The following ADK variants were observed in gnomAD, a reference collection of about 807,000 sequenced individuals.
ADK encodes the protein N6,N6-dimethyladenosine kinase.
A neutral mutation model predicts 44.7 loss-of-function variants in ADK; 24 were observed. The ratio of observed to expected loss-of-function variants is 0.54; its 90% CI spans 0.39 to 0.76. The LOEUF (loss-of-function observed/expected upper bound fraction) is 0.76, where lower values mean the gene tolerates loss of function less well. Among genes scored for constraint, ADK ranks in the 30% least tolerant of loss-of-function variants. The pLI is 0.00. For missense variants in ADK, 321 were observed against 425.1 expected, an observed-to-expected ratio of 0.76 and a Z score of 2.15; for synonymous variants, 128 against 142.6, an observed-to-expected ratio of 0.90 and a Z score of 0.73.
chr10:74,209,693 A>G (rs2132185548), intron 2 of ADK, among the ~76,000 whole-genome samples: 2 of 151,982 alleles, frequency 1.3e-5, no homozygotes, highest in Admixed American at 1.3e-4. Context: ...CTAGTCACTC[A>G]CTGCAGCCTC....
chr10:74,642,119 A>C (rs1014785283), intron 9 of ADK, among the ~76,000 whole-genome samples: 1 of 152,216 alleles, frequency 6.6e-6, no homozygotes, highest in African/African-American at 2.4e-5. Context: ...ACTTCTGTTA[A>C]CCAGATATTA....
chr10:74,438,386 G>A (rs1005861780), intron 6 of ADK, among the ~76,000 whole-genome samples: 1 of 141,744 alleles, frequency 7.1e-6, no homozygotes, highest in Non-Finnish European at 1.6e-5. Flanking sequence ...CACCACATCC[G>A]GCTAATTTTT....
intron 3 of ADK, among the ~76,000 whole-genome samples, chr10:74,225,187 C>T (rs1187388173): frequency 6.6e-6 from 1 of 152,208 alleles, no homozygotes. Flanking sequence ...AAGCAATTCC[C>T]CTGCCTTAGC....
chr10:74,403,699 G>A (rs1345386725), intron 6 of ADK, among the ~76,000 whole-genome samples: 1 of 152,090 alleles, frequency 6.6e-6, no homozygotes, highest in Non-Finnish European at 1.5e-5. Flanking sequence ...CGCTTCCCAG[G>A]TGAAGCGATG....
At chr10:74,251,425 A>T (rs530252793) in intron 3 of ADK, among the ~76,000 whole-genome samples, 5 of 152,208 alleles carry the variant, frequency 3.3e-5, no homozygotes, top group Admixed American at 6.5e-5. Flanking sequence ...AGTTATCACA[A>T]ATTCTAAATT....
chr10:74,499,687 CA>C (rs34761801), intron 6 of ADK, among the ~76,000 whole-genome samples: 91 of 136,854 alleles, frequency 6.6e-4, no homozygotes, highest in Admixed American at 6.6e-4. Flanking sequence ...GACTCCATCT[CA>C]AAAAAAAAAA....
At position 74,396,153 on chromosome 10, in the gene ADK, T is replaced by C. The variant is rs548221139; in HGVS notation, c.446+1840T>C. Among the ~76,000 whole-genome samples, 6 of 152,336 alleles carry C rather than the reference T, an allele frequency of 3.9e-5. 1 individual carries two copies. The South Asian group carries it at 8.3e-4, about 21-fold the overall frequency. ...AAAAATTGGGGAGAAATCTTCAGTA[T>C]CTAAATCATTATCTAAATTCTGGAA... is the stretch of plus-strand genomic sequence containing the variant. On this transcript the variant is annotated intron_variant, in intron 5 of 10. Transcript: ENST00000539909.
chr10:74,204,463 G>T (rs536360019), intron 2 of ADK, among the ~76,000 whole-genome samples: 1 of 152,010 alleles, frequency 6.6e-6, no homozygotes, highest in Non-Finnish European at 1.5e-5. Context: ...ATATCCTGGG[G>T]ATTACCCCTG....
chr10:74,489,768 A>T (rs1847408662), intron 6 of ADK, among the ~76,000 whole-genome samples: 1 of 151,956 alleles, frequency 6.6e-6, no homozygotes, highest in African/African-American at 2.4e-5. Flanking sequence ...AAATTAAACC[A>T]ATTTATATTT....
intron 3 of ADK, among the ~76,000 whole-genome samples, chr10:74,241,412 G>C (rs959446112): frequency 2.0e-5 from 3 of 152,166 alleles, no homozygotes; most frequent in African/African-American, 7.2e-5. Context: ...GGGAGACGGA[G>C]TCTCTCTCTG....
At chr10:74,289,258 G>A (rs1161361266) in intron 3 of ADK, among the ~76,000 whole-genome samples, 3 of 152,028 alleles carry the variant, frequency 2.0e-5, no homozygotes, top group Admixed American at 6.6e-5. Flanking sequence ...TCACTTTGTT[G>A]CCCAGGCTGG....
rs542961409 is a variant in ADK, at chr10:74,208,106, G to A, written c.140+7268G>A. On this transcript the variant is annotated intron_variant, in intron 2 of 10. Transcript: ENST00000539909. Reference sequence around the variant, plus strand: ...GGCCACGACTTTGCTCCACCCTGGAGCAGGTGCTGGGATCGAGGAGAGGCC... The same window carrying A: ...GGCCACGACTTTGCTCCACCCTGGAACAGGTGCTGGGATCGAGGAGAGGCC... 2.9e-3 allele frequency among the ~76,000 whole-genome samples: 439 copies of A among 152,390 alleles called. 1 individual carries two copies. Among genetic ancestry groups the A allele is most frequent in the Non-Finnish European group, 5.2e-3 (353 of 68,036 alleles).
chr10:74,389,134 A>G (rs1440974980), intron 4 of ADK, among the ~76,000 whole-genome samples: 1 of 152,144 alleles, frequency 6.6e-6, no homozygotes, highest in African/African-American at 2.4e-5. Flanking sequence ...AGAGCCTGCT[A>G]CTCACTCATG....
At chr10:74,511,292 G>A (rs532420625) in intron 6 of ADK, among the ~76,000 whole-genome samples, 1 of 152,162 alleles carries the variant, frequency 6.6e-6, no homozygotes. Context: ...AGGTCTGATA[G>A]TGTGGTACCT....
At chr10:74,494,549 C>A in intron 6 of ADK, among the ~76,000 whole-genome samples, 1 of 152,090 alleles carries the variant, frequency 6.6e-6, no homozygotes, top group East Asian at 1.9e-4. Context: ...CACATATCTT[C>A]CAATAGCTTC....
At chr10:74,284,428 C>T (rs1320046381) in intron 3 of ADK, among the ~76,000 whole-genome samples, 1 of 152,060 alleles carries the variant, frequency 6.6e-6, no homozygotes, top group Non-Finnish European at 1.5e-5. Context: ...CCATGCCCGG[C>T]TAATTTTGTA....
At chr10:74,246,843 A>G (rs1017417656) in intron 3 of ADK, among the ~76,000 whole-genome samples, 1 of 152,186 alleles carries the variant, frequency 6.6e-6, no homozygotes, top group Non-Finnish European at 1.5e-5. Context: ...ATTTGCAAAG[A>G]TTATAAAACA....
At chr10:74,565,214 T>G (rs949963410) in intron 7 of ADK, among the ~76,000 whole-genome samples, 1 of 152,174 alleles carries the variant, frequency 6.6e-6, no homozygotes, top group African/African-American at 2.4e-5. Flanking sequence ...TGGAGCCTAG[T>G]CAAGTCACAA....
At chr10:74,493,432 C>CTA (rs138316558) in intron 6 of ADK, among the ~76,000 whole-genome samples, 4,471 of 146,448 alleles carry the variant, frequency 0.031, 199 homozygotes, top group African/African-American at 0.095. Flanking sequence ...TAGACCTCAT[C>CTA]TATATATATA....
Sources: gnomAD v4.1 joint callset for allele counts (sites outside exome capture counted in the v4.1 genomes callset) on GRCh38, gnomAD v4.1.1 for gene constraint, MANE v1.5 for transcripts, NCBI Gene and HGNC (gene_info 2026-07-23, HGNC 2026-07-21) for gene names.